The following PCDHGA5 variants were observed in gnomAD, a reference collection of about 807,000 sequenced individuals.
The protein encoded by PCDHGA5 is protocadherin gamma subfamily A, 5.
PCDHGA5 carries 36 observed loss-of-function variants against 56.7 expected under a neutral mutation model. The ratio of observed to expected loss-of-function variants is 0.64; its 90% CI spans 0.49 to 0.84. The LOEUF is 0.84. Among genes scored for constraint, PCDHGA5 ranks in the 40% least tolerant of loss-of-function variants. The pLI is 0.00. For synonymous variants in PCDHGA5, 563 were observed against 520.2 expected, an observed-to-expected ratio of 1.08 and a Z score of -1.12; for missense variants, 1,305 against 1,201.5, an observed-to-expected ratio of 1.09 and a Z score of -1.27.
intron 1 of PCDHGA5, chr5:141,385,002 C>T: frequency 6.2e-7 from 1 of 1,614,138 alleles, no homozygotes; most frequent in Admixed American, 1.7e-5. Flanking sequence ...CCACAGTCTC[C>T]TGCGTCTTCC....
chr5:141,437,622 A>G (rs1007643306), intron 1 of PCDHGA5, among the ~76,000 whole-genome samples: 2 of 152,192 alleles, frequency 1.3e-5, no homozygotes, highest in Non-Finnish European at 2.9e-5. Flanking sequence ...TTATCCCCAT[A>G]TAAGATGTCA....
At chr5:141,375,071 A>T in intron 1 of PCDHGA5, 1 of 1,614,046 alleles carries the variant, frequency 6.2e-7, no homozygotes, top group Non-Finnish European at 8.5e-7. Context: ...TCTTCGAGAC[A>T]GAGCGAAAGT....
At position 141,477,369 on chromosome 5, in the gene PCDHGA5, A is replaced by G; in HGVS notation, c.2422-17438A>G. The G allele has an allele frequency of 6.2e-7, 1 of 1,614,164 alleles. No individual in the cohort carries two copies. Among genetic ancestry groups the G allele is most frequent in the Non-Finnish European group, 8.5e-7 (1 of 1,180,026 alleles). ...AAAACCAGTGCAGACCTGGATCGGG[A>G]GACTGTGCCAGAATACAACCTCAGC... On this transcript the variant is annotated intron_variant, in intron 1 of 3. Transcript: ENST00000518069. The surrounding 1 kb of genome is among the most constrained non-coding windows in gnomAD (Gnocchi z 4.9).
At position 141,487,855 on chromosome 5, in the gene PCDHGA5, A is replaced by T; in HGVS notation, c.2422-6952A>T. 1 of 974,210 alleles carries T rather than the reference A, an allele frequency of 1.0e-6. No homozygotes were observed. 60.3% of individuals were successfully genotyped at this position (974,210 alleles called of 1,614,324 possible). A position where few individuals can be genotyped will look rare whatever the true frequency, so the allele number is the denominator to read the frequency against. On this transcript the variant is annotated intron_variant, in intron 1 of 3. Coordinates refer to ENST00000518069, the MANE Select transcript of PCDHGA5 (RefSeq NM_018918.3). This position sits in a 1 kb window ranked among gnomAD's most constrained non-coding sequence, Gnocchi z 5.0. Reference sequence around the variant, plus strand: ...TATATCTGAGTAAGAAATGAAAGTAATTGGTGATCAAGAGCCAGGCTGTTG... The same window carrying T: ...TATATCTGAGTAAGAAATGAAAGTATTTGGTGATCAAGAGCCAGGCTGTTG...
At chr5:141,479,619 T>C (rs1327758222) in intron 1 of PCDHGA5, 1 of 152,220 alleles carries the variant, frequency 6.6e-6, no homozygotes, top group Non-Finnish European at 1.5e-5. Flanking sequence ...AGGGAAACCA[T>C]GTCTCTTTAA....
chr5:141,364,276 T>C lies in PCDHGA5; in HGVS notation c.-55T>C, dbSNP rs1045557569. On this transcript the variant is annotated 5_prime_UTR_variant, in exon 1 of 4. An upstream open reading frame in the 5' UTR loses its in-frame stop. Coordinates refer to ENST00000518069, the MANE Select transcript of PCDHGA5 (RefSeq NM_018918.3). ...TATGTACCCATCGGCTTTAGATAAA[T>C]AAGGAAACAGCAGGCTGAACCAGAA... The C allele has an allele frequency of 6.6e-7, 1 of 1,515,100 alleles. No homozygotes were observed. Among genetic ancestry groups the C allele is most frequent in the Middle Eastern group, 1.8e-4 (1 of 5,590 alleles). 93.9% of individuals were successfully genotyped at this position (1,515,100 alleles called of 1,614,324 possible).
chr5:141,441,671 C>T (rs1027440120), intron 1 of PCDHGA5: 1 of 287,648 alleles, frequency 3.5e-6, no homozygotes, highest in African/African-American at 2.3e-5. Flanking sequence ...GCGCACAGTG[C>T]GCCTTCGACC....
intron 1 of PCDHGA5, among the ~76,000 whole-genome samples, chr5:141,488,139 T>A (rs906194527): frequency 6.6e-6 from 1 of 152,084 alleles, no homozygotes; most frequent in Non-Finnish European, 1.5e-5. Context: ...AGGAGAGAAC[T>A]AAAGGAATAG....
Position 141,489,263 on chromosome 5 carries a change from A to G in PCDHGA5, c.2422-5544A>G. The G allele has an allele frequency of 6.4e-7, 1 of 1,552,104 alleles. No homozygotes were observed. Among genetic ancestry groups the G allele is most frequent in the South Asian group, 1.3e-5 (1 of 79,626 alleles). On this transcript the variant is annotated intron_variant, in intron 1 of 3. Transcript: ENST00000518069. This position sits in a 1 kb window ranked among gnomAD's most constrained non-coding sequence, Gnocchi z 4.5. ...GTCATGGGGCCCAAGACACTCCCAC[A>G]GCTCGCTGGGAAATGGCAAGTGCTG...
intron 1 of PCDHGA5, among the ~76,000 whole-genome samples, chr5:141,456,464 A>T (rs1430885015): frequency 6.6e-6 from 1 of 152,192 alleles, no homozygotes; most frequent in Non-Finnish European, 1.5e-5. Flanking sequence ...TCAATACAAG[A>T]CATATAAGCA....
intron 1 of PCDHGA5, among the ~76,000 whole-genome samples, chr5:141,483,652 G>A (rs746306843): frequency 2.0e-5 from 3 of 151,916 alleles, no homozygotes; most frequent in Non-Finnish European, 4.4e-5. Context: ...GTGTGTTTGT[G>A]TGTGTGTGTG....
In PCDHGA5 at chr5:141,432,113, T is replaced by G. The variant is rs1174697940; in HGVS notation, c.2422-62694T>G. 1 of 1,614,078 alleles carries G rather than the reference T, an allele frequency of 6.2e-7. No homozygotes were observed. The highest frequency in any genetic ancestry group is 8.5e-7 in the Non-Finnish European group (1 of 1,180,006). On this transcript the variant is annotated intron_variant, in intron 1 of 3. Coordinates refer to ENST00000518069, the MANE Select transcript of PCDHGA5 (RefSeq NM_018918.3). The surrounding 1 kb of genome is among the most constrained non-coding windows in gnomAD (Gnocchi z 6.0). ...AGACACCAACGACAACCCGCCGGTC[T>G]TCCCTCAGGCCTCCTATTCCGCTTA... is the stretch of plus-strand genomic sequence containing the variant.
intron 1 of PCDHGA5, chr5:141,421,172 G>A: frequency 7.3e-7 from 1 of 1,366,164 alleles, no homozygotes; most frequent in Non-Finnish European, 9.8e-7. Context: ...AGATACATAA[G>A]CCGATTCACA....
intron 1 of PCDHGA5, among the ~76,000 whole-genome samples, chr5:141,381,836 T>TCTTCTTC (rs1247595630): frequency 6.4e-5 from 9 of 139,950 alleles, no homozygotes; most frequent in African/African-American, 2.6e-4. Flanking sequence ...CTTTTTTTTT[T>TCTTCTTC]TTTTTTTTTT....
At chr5:141,406,870 G>T (rs903338003) in intron 1 of PCDHGA5, among the ~76,000 whole-genome samples, 1 of 152,230 alleles carries the variant, frequency 6.6e-6, no homozygotes, top group Non-Finnish European at 1.5e-5. Flanking sequence ...CTCAGGAACT[G>T]CTGGGAAGAT....
Position 141,383,322 on chromosome 5 carries a change from A to G in PCDHGA5, c.2421+16571A>G, listed in dbSNP as rs369432251. 6.8e-6 allele frequency: 11 copies of G among 1,613,876 alleles called. No homozygotes were observed. The African/African-American group carries it at 1.3e-4, about 20-fold the overall frequency. ...TCTTGACGGAAGAAATAAATGTAAA[A>G]ATAATGGAGAATACAGCTCCTGGGG... is the stretch of plus-strand genomic sequence containing the variant. On this transcript the variant is annotated intron_variant, in intron 1 of 3. Coordinates refer to ENST00000518069, the MANE Select transcript of PCDHGA5 (RefSeq NM_018918.3).
intron 2 of PCDHGA5, among the ~76,000 whole-genome samples, chr5:141,504,178 A>C (rs572543892): frequency 4.5e-4 from 69 of 152,366 alleles, no homozygotes; most frequent in Non-Finnish European, 7.6e-4. Context: ...AAATTCAAAA[A>C]AATCATGAAA....
In PCDHGA5 at chr5:141,431,937, A is replaced by T; in HGVS notation, c.2422-62870A>T. On this transcript the variant is annotated intron_variant, in intron 1 of 3. Coordinates refer to ENST00000518069, the MANE Select transcript of PCDHGA5 (RefSeq NM_018918.3). The surrounding 1 kb of genome is among the most constrained non-coding windows in gnomAD (Gnocchi z 4.8). ...TTCATCCAAGGAAATCTGCCCTTTAAATTAGAAAAATCTTACGGAAATTAC... is the reference window on the plus strand; with the variant it reads ...TTCATCCAAGGAAATCTGCCCTTTATATTAGAAAAATCTTACGGAAATTAC... The T allele has an allele frequency of 6.2e-7, 1 of 1,614,144 alleles. No individual in the cohort carries two copies. The highest frequency in any genetic ancestry group is 8.5e-7 in the Non-Finnish European group (1 of 1,180,014).
chr5:141,457,959 T>C (rs1426112930), intron 1 of PCDHGA5, among the ~76,000 whole-genome samples: 3 of 152,208 alleles, frequency 2.0e-5, no homozygotes, highest in Admixed American at 2.0e-4. Flanking sequence ...CAAGCTTGAT[T>C]CCTTAAAGGG....
Sources: gnomAD v4.1 joint callset for allele counts (sites outside exome capture counted in the v4.1 genomes callset) on GRCh38, gnomAD v4.1.1 for gene constraint, Gnocchi (gnomAD v3.1) non-coding constraint, MANE v1.5 for transcripts, NCBI Gene and HGNC (gene_info 2026-07-23, HGNC 2026-07-21) for gene names.